FRS2: variants seen among roughly 807,000 people sequenced by gnomAD.
FRS2 encodes FGFR signalling adaptor.
FRS2 carries 8 observed loss-of-function variants against 43.9 expected under a neutral mutation model. The ratio of observed to expected loss-of-function variants is 0.18; its 90% CI spans 0.11 to 0.33. The LOEUF is 0.33. Ranked by LOEUF, FRS2 falls within the 10% of genes least tolerant of loss-of-function variation. The pLI is 1.00. For missense variants in FRS2, 534 were observed against 627.6 expected, an observed-to-expected ratio of 0.85 and a Z score of 1.59; for synonymous variants, 219 against 220.3, an observed-to-expected ratio of 0.99 and a Z score of 0.05.
At chr12:69,475,088 A>G (rs973906912) in intron 1 of FRS2, among the ~76,000 whole-genome samples, 1 of 152,216 alleles carries the variant, frequency 6.6e-6, no homozygotes, top group Admixed American at 6.5e-5. Context: ...AGAACTGTAA[A>G]TTTATAGAAT....
At chr12:69,543,574 G>A (rs1878105609) in intron 3 of FRS2, among the ~76,000 whole-genome samples, 1 of 152,118 alleles carries the variant, frequency 6.6e-6, no homozygotes, top group African/African-American at 2.4e-5. Flanking sequence ...GATGTAGTAG[G>A]GAAAGAGGAA....
chr12:69,535,535 TGGAG>T (rs1877189323), intron 3 of FRS2, among the ~76,000 whole-genome samples: 1 of 152,202 alleles, frequency 6.6e-6, no homozygotes, highest in Admixed American at 6.5e-5. Flanking sequence ...TTATAAAATA[TGGAG>T]GGAAATGAAA....
At chr12:69,502,378 T>G (rs1028107323) in intron 1 of FRS2, among the ~76,000 whole-genome samples, 4 of 152,268 alleles carry the variant, frequency 2.6e-5, no homozygotes, top group Admixed American at 6.5e-5. Flanking sequence ...ATAACACAGT[T>G]TACTGTGATT....
chr12:69,567,031 C>T (rs1880360035), intron 4 of FRS2, among the ~76,000 whole-genome samples: 1 of 152,192 alleles, frequency 6.6e-6, no homozygotes, highest in Non-Finnish European at 1.5e-5. Context: ...TTCTGCTCTT[C>T]TTTTAAATCC....
chr12:69,478,217 A>T (rs953189947), intron 1 of FRS2, among the ~76,000 whole-genome samples: 4 of 151,586 alleles, frequency 2.6e-5, no homozygotes, highest in African/African-American at 9.7e-5. Context: ...ATCCGTTAAA[A>T]TTTTTTTTTC....
chr12:69,493,784 C>T (rs1650602850), intron 1 of FRS2, among the ~76,000 whole-genome samples: 1 of 152,164 alleles, frequency 6.6e-6, no homozygotes, highest in African/African-American at 2.4e-5. Context: ...AATGATAGCA[C>T]TTGTCATTTT....
At chr12:69,540,257 A>T (rs981372173) in intron 3 of FRS2, among the ~76,000 whole-genome samples, 2 of 151,870 alleles carry the variant, frequency 1.3e-5, no homozygotes, top group Non-Finnish European at 2.9e-5. Flanking sequence ...CATCTCAAAA[A>T]AAATAAATAA....
chr12:69,524,409 G>A (rs1003763523), intron 1 of FRS2, among the ~76,000 whole-genome samples: 6 of 151,988 alleles, frequency 3.9e-5, no homozygotes, highest in Non-Finnish European at 5.9e-5. Context: ...GTTGGGGGAG[G>A]GCACAGGCAG....
At chr12:69,556,600 G>A (rs1879378971) in intron 3 of FRS2, among the ~76,000 whole-genome samples, 1 of 152,278 alleles carries the variant, frequency 6.6e-6, no homozygotes, top group Non-Finnish European at 1.5e-5. Context: ...GGGATTACAG[G>A]CGTGAGCCAT....
chr12:69,502,233 T>C (rs1873519410), intron 1 of FRS2, among the ~76,000 whole-genome samples: 1 of 152,158 alleles, frequency 6.6e-6, no homozygotes, highest in Non-Finnish European at 1.5e-5. Flanking sequence ...CCCAAAGTGC[T>C]GGTATTACAG....
At chr12:69,474,038 T>C (rs1870543398) in intron 1 of FRS2, among the ~76,000 whole-genome samples, 1 of 152,158 alleles carries the variant, frequency 6.6e-6, no homozygotes, top group Non-Finnish European at 1.5e-5. Context: ...AGACGGGGTT[T>C]CACCATGTTG....
intron 1 of FRS2, among the ~76,000 whole-genome samples, chr12:69,508,204 C>CTAT (rs1011468037): frequency 5.3e-5 from 8 of 152,108 alleles, no homozygotes; most frequent in Non-Finnish European, 2.9e-5. Flanking sequence ...ATCAACTCTA[C>CTAT]TATTGCTGGT....
chr12:69,526,283 A>G (rs780925579), intron 1 of FRS2, among the ~76,000 whole-genome samples: 5 of 152,194 alleles, frequency 3.3e-5, no homozygotes, highest in Non-Finnish European at 5.9e-5. Context: ...ACTTTTTCCA[A>G]CTAACTTAGG....
chr12:69,558,885 T>G (rs976486554), intron 3 of FRS2, among the ~76,000 whole-genome samples: 1 of 152,180 alleles, frequency 6.6e-6, no homozygotes, highest in African/African-American at 2.4e-5. Flanking sequence ...AATGCCTCAG[T>G]GTATGGATAG....
intron 1 of FRS2, among the ~76,000 whole-genome samples, chr12:69,488,304 C>T (rs946855943): frequency 1.3e-5 from 2 of 152,152 alleles, no homozygotes; most frequent in Non-Finnish European, 2.9e-5. Context: ...GCCACCCCAC[C>T]CTTTAGCAAC....
At chr12:69,486,758 A>C (rs746001703) in intron 1 of FRS2, among the ~76,000 whole-genome samples, 2 of 152,252 alleles carry the variant, frequency 1.3e-5, no homozygotes, top group African/African-American at 2.4e-5. Flanking sequence ...TATTGCTGGT[A>C]TGGAGAAAGT....
chr12:69,537,577 T>C (rs1049504495), intron 3 of FRS2, among the ~76,000 whole-genome samples: 1 of 152,176 alleles, frequency 6.6e-6, no homozygotes, highest in African/African-American at 2.4e-5. Flanking sequence ...TAATAACCCT[T>C]TTATTTGGCT....
chr12:69,471,265 T>TA (rs915441613), intron 1 of FRS2, among the ~76,000 whole-genome samples: 84 of 144,852 alleles, frequency 5.8e-4, no homozygotes, highest in East Asian at 4.0e-3. Flanking sequence ...GCAGACATAC[T>TA]AAAAAAAAAA....
intron 1 of FRS2, among the ~76,000 whole-genome samples, chr12:69,485,730 A>C (rs1008786779): frequency 6.6e-5 from 10 of 151,154 alleles, no homozygotes; most frequent in African/African-American, 2.4e-4. Flanking sequence ...GGCCTCCCAA[A>C]GTGCTGGGAT....
Sources: gnomAD v4.1 joint callset for allele counts (sites outside exome capture counted in the v4.1 genomes callset) on GRCh38, gnomAD v4.1.1 for gene constraint, MANE v1.5 for transcripts, NCBI Gene and HGNC (gene_info 2026-07-23, HGNC 2026-07-21) for gene names.